The following NEDD4 variants were observed in gnomAD, a reference collection of about 807,000 sequenced individuals.
The protein encoded by NEDD4 is NEDD4 E3 ubiquitin protein ligase, also known as E3 ubiquitin-protein ligase NEDD4.
A neutral mutation model predicts 144.9 loss-of-function variants in NEDD4; 99 were observed. The ratio of observed to expected loss-of-function variants is 0.68; its 90% CI spans 0.58 to 0.81. The LOEUF (loss-of-function observed/expected upper bound fraction) is 0.81, where lower values mean the gene tolerates loss of function less well. NEDD4 is among the 30% of genes least tolerant of loss of function. The probability of loss-of-function intolerance (pLI) is 0.00; values close to 1 mark genes in which losing one functional copy is unlikely to be tolerated. For synonymous variants in NEDD4, 318 were observed against 350.6 expected, an observed-to-expected ratio of 0.91 and a Z score of 1.04; for missense variants, 985 against 1,065.9, an observed-to-expected ratio of 0.92 and a Z score of 1.06.
intron 5 of NEDD4, among the ~76,000 whole-genome samples, chr15:55,900,003 A>G (rs1306605050): frequency 2.0e-5 from 3 of 151,592 alleles, no homozygotes; most frequent in African/African-American, 7.3e-5. Context: ...TGTCTCTGAG[A>G]TTCAGACATG....
intron 2 of NEDD4, among the ~76,000 whole-genome samples, chr15:55,956,474 G>C (rs1215191743): frequency 6.6e-6 from 1 of 152,098 alleles, no homozygotes; most frequent in African/African-American, 2.4e-5. Flanking sequence ...GTGTGGTAAG[G>C]ACCAAGATTC....
At chr15:55,943,364 G>A (rs1254814548) in intron 4 of NEDD4, among the ~76,000 whole-genome samples, 1 of 152,172 alleles carries the variant, frequency 6.6e-6, no homozygotes, top group African/African-American at 2.4e-5. Context: ...TCCTATCACA[G>A]CCCCAGAGGA....
In NEDD4 at chr15:55,837,805, A is replaced by G. The variant is rs1484914199; in HGVS notation, c.2246T>C (p.Met749Thr). Residue 749 changes from methionine (M) to threonine (T), a missense_variant, in exon 24 of 29, where the codon ATG becomes ACG. Transcript: ENST00000435532. ...WRFVNRIQKQ[M>T]AAFKEGFFEL... ...AATGAATACCTCTTTAAAAGCAGCC[A>G]TTTGCTTCTGGATTCGGTTTACAAA... is the stretch of plus-strand genomic sequence containing the variant. 1 of 1,612,044 alleles carries G rather than the reference A, an allele frequency of 6.2e-7. No individual in the cohort carries two copies. Among genetic ancestry groups the G allele is most frequent in the South Asian group, 1.1e-5 (1 of 90,882 alleles).
At chr15:55,930,014 G>A (rs1402745644) in intron 4 of NEDD4, among the ~76,000 whole-genome samples, 1 of 152,114 alleles carries the variant, frequency 6.6e-6, no homozygotes, top group Non-Finnish European at 1.5e-5. Context: ...AAACTAAGTT[G>A]AAGGGAAATG....
rs1439031417 is a variant in NEDD4, at chr15:55,882,977, G to T, written c.292-8969C>A. On this transcript the variant is annotated intron_variant, in intron 5 of 28. Coordinates refer to ENST00000435532, the MANE Select transcript of NEDD4 (RefSeq NM_006154.4). Reference sequence around the variant, plus strand: ...AATCCAGCACATTCTCAGCTGTGTTGGCTATAGAGACTCCTGCGTGGGAAG... The same window carrying T: ...AATCCAGCACATTCTCAGCTGTGTTTGCTATAGAGACTCCTGCGTGGGAAG... Among the ~76,000 whole-genome samples, 3 of 152,160 alleles carry T rather than the reference G, an allele frequency of 2.0e-5. No individual in the cohort carries two copies. The East Asian group carries it at 5.8e-4, about 29-fold the overall frequency.
chr15:55,873,013 T>C (rs2034859285), intron 6 of NEDD4, among the ~76,000 whole-genome samples: 1 of 152,202 alleles, frequency 6.6e-6, no homozygotes, highest in Non-Finnish European at 1.5e-5. Flanking sequence ...TCTCTTTCTT[T>C]AAAATTCAGC....
chr15:55,986,385 A>G (rs1420980502), intron 1 of NEDD4, among the ~76,000 whole-genome samples: 1 of 152,172 alleles, frequency 6.6e-6, no homozygotes, highest in African/African-American at 2.4e-5. Flanking sequence ...AAGGTGACCA[A>G]GTGATTAAGG....
chr15:55,972,334 CAATAT>C (rs1364656089), intron 1 of NEDD4, among the ~76,000 whole-genome samples: 7 of 151,938 alleles, frequency 4.6e-5, no homozygotes, highest in South Asian at 2.1e-4. Context: ...AAGTCATAGA[CAATAT>C]AATAAGACAA....
chr15:55,979,044 C>A, intron 1 of NEDD4, among the ~76,000 whole-genome samples: 1 of 151,306 alleles, frequency 6.6e-6, no homozygotes, highest in East Asian at 1.9e-4. Flanking sequence ...TGTTGTCCCC[C>A]ACCCTAGTAA....
rs527935316 is a variant in NEDD4 at position 55,839,941 on chromosome 15, C to T, written c.2031+506G>A. ...AGTGAGCCAAGATCACGCCACTGCA[C>T]TCCAGCTTGGCAACAGAGTGACACT... is the stretch of plus-strand genomic sequence containing the variant. On this transcript the variant is annotated intron_variant, in intron 21 of 28. Transcript: ENST00000435532. Among the ~76,000 whole-genome samples, 19 of 122,834 alleles carry T rather than the reference C, an allele frequency of 1.5e-4. No individual in the cohort carries two copies. The South Asian group carries it at 3.7e-3, about 24-fold the overall frequency. 80.6% of individuals were successfully genotyped at this position (122,834 alleles called of 152,430 possible).
chr15:55,843,865 G>A (rs1379049217), intron 18 of NEDD4, among the ~76,000 whole-genome samples: 5 of 151,646 alleles, frequency 3.3e-5, no homozygotes, highest in Non-Finnish European at 7.4e-5. Context: ...TTGTAGTAGG[G>A]CCAACGATGG....
chr15:55,832,638 A>T (rs1204099196), intron 27 of NEDD4, among the ~76,000 whole-genome samples: 21 of 151,458 alleles, frequency 1.4e-4, no homozygotes, highest in Admixed American at 1.3e-3. Context: ...CTCATCTTGA[A>T]CTCCTGACCT....
chr15:55,855,979 A>T, intron 12 of NEDD4, 152 bp downstream of exon 12: 1 of 620,690 alleles, frequency 1.6e-6, no homozygotes, highest in Non-Finnish European at 2.8e-6. Context: ...TTTTGTCTTT[A>T]AGCCCCTTCC....
intron 2 of NEDD4, among the ~76,000 whole-genome samples, chr15:55,956,370 T>A (rs56112958): frequency 0.13 from 20,428 of 152,192 alleles, 1,493 homozygotes; most frequent in East Asian, 0.32. Flanking sequence ...ACTGTTCACG[T>A]AAACTTTGTG....
intron 5 of NEDD4, among the ~76,000 whole-genome samples, chr15:55,898,303 T>C (rs2035801034): frequency 6.6e-6 from 1 of 152,252 alleles, no homozygotes; most frequent in Non-Finnish European, 1.5e-5. Context: ...TTTTCAAAGG[T>C]AAATGAATCT....
intron 11 of NEDD4, 133 bp from the exon 12 acceptor site, chr15:55,856,329 G>T: frequency 1.4e-6 from 1 of 736,212 alleles, no homozygotes; most frequent in Non-Finnish European, 2.2e-6. Context: ...TGTTGAGAGT[G>T]CAGGCTGAGT....
intron 17 of NEDD4, among the ~76,000 whole-genome samples, chr15:55,848,161 G>C (rs554949610): frequency 1.3e-5 from 2 of 152,326 alleles, no homozygotes; most frequent in South Asian, 2.1e-4. Context: ...TGGCTCACTT[G>C]TCCCCTCACT....
At chr15:55,876,536 G>C (rs1477435849) in intron 5 of NEDD4, among the ~76,000 whole-genome samples, 11 of 152,140 alleles carry the variant, frequency 7.2e-5, no homozygotes, top group African/African-American at 2.4e-4. Flanking sequence ...TTTATATAAA[G>C]TGGTATGATT....
chr15:55,915,375 A>G, intron 5 of NEDD4: 1 of 1,613,626 alleles, frequency 6.2e-7, no homozygotes, highest in Non-Finnish European at 8.5e-7. Context: ...TGCAAACTTT[A>G]TGAGTAACTG....
Sources: gnomAD v4.1 joint callset for allele counts (sites outside exome capture counted in the v4.1 genomes callset) on GRCh38, gnomAD v4.1.1 for gene constraint, MANE v1.5 for transcripts, NCBI Gene and HGNC (gene_info 2026-07-23, HGNC 2026-07-21) for gene names.